EYA2: variants seen among roughly 807,000 people sequenced by gnomAD.
The protein encoded by EYA2 is EYA transcriptional coactivator and phosphatase 2, also known as protein phosphatase EYA2.
In EYA2, 31 loss-of-function variants were observed where a neutral mutation model predicts 69.2. That is an observed-to-expected ratio of 0.45 (90% CI 0.34 to 0.60). The LOEUF is 0.60. Ranked by LOEUF, EYA2 falls within the 20% of genes least tolerant of loss-of-function variation. The pLI is 0.02. For missense variants in EYA2, 622 were observed against 701.2 expected (o/e 0.89, Z 1.28); for synonymous variants, 257 against 279.4 (o/e 0.92, Z 0.80).
intron 5 of EYA2, among the ~76,000 whole-genome samples, chr20:47,019,805 C>CA (rs11431747): frequency 0.28 from 38,778 of 136,880 alleles, 5,074 homozygotes; most frequent in South Asian, 0.32. Context: ...CCCATCTCTA[C>CA]AAAAAAAAAA....
At chr20:46,923,852 C>T (rs1178498149) in intron 1 of EYA2, among the ~76,000 whole-genome samples, 1 of 152,196 alleles carries the variant, frequency 6.6e-6, no homozygotes, top group Non-Finnish European at 1.5e-5. Context: ...TTTACTAAAA[C>T]AGTATTTCTC....
intron 1 of EYA2, among the ~76,000 whole-genome samples, chr20:46,942,115 T>C (rs150884485): frequency 2.0e-5 from 3 of 152,348 alleles, no homozygotes; most frequent in African/African-American, 7.2e-5. Flanking sequence ...TGAGTTCTTA[T>C]TAGTAACATG....
rs73305619 is a variant in EYA2, at chr20:46,950,973, G to A, written c.-10-39028G>A. On this transcript the variant is annotated intron_variant, in intron 1 of 15. Coordinates refer to ENST00000327619, the MANE Select transcript of EYA2 (RefSeq NM_005244.5). ...CCTGATGGGAAAGGGCTTATAACAC[G>A]TGCCGCTGAGTAATCCCTCCTTAGG... Among the ~76,000 whole-genome samples, 673 of 152,310 alleles carry A rather than the reference G, an allele frequency of 4.4e-3. 5 individuals are homozygous for A. Among genetic ancestry groups the A allele is most frequent in the African/African-American group, 0.015 (636 of 41,576 alleles).
intron 1 of EYA2, among the ~76,000 whole-genome samples, chr20:46,962,562 T>A (rs917166734): frequency 6.6e-6 from 1 of 152,190 alleles, no homozygotes; most frequent in Non-Finnish European, 1.5e-5. Context: ...GAAATCTAAG[T>A]TGCTTTCTCC....
At chr20:46,907,646 C>G (rs1314231487) in intron 1 of EYA2, among the ~76,000 whole-genome samples, 1 of 152,220 alleles carries the variant, frequency 6.6e-6, no homozygotes, top group African/African-American at 2.4e-5. Context: ...CGAGACCAGC[C>G]TGGCCAACAT....
At chr20:47,045,640 T>G (rs1361081257) in intron 5 of EYA2, among the ~76,000 whole-genome samples, 1 of 152,232 alleles carries the variant, frequency 6.6e-6, no homozygotes, top group Non-Finnish European at 1.5e-5. Context: ...TGCCCCTGTC[T>G]TCTTCCTCAA....
At chr20:47,150,491 A>G (rs2033802454) in intron 10 of EYA2, among the ~76,000 whole-genome samples, 1 of 150,458 alleles carries the variant, frequency 6.6e-6, no homozygotes, top group Non-Finnish European at 1.5e-5. Flanking sequence ...CCCGAAAGAC[A>G]GGGTCTTACT....
At chr20:47,010,443 G>T (rs1982986845) in intron 4 of EYA2, among the ~76,000 whole-genome samples, 1 of 152,100 alleles carries the variant, frequency 6.6e-6, no homozygotes, top group African/African-American at 2.4e-5. Flanking sequence ...GGAGGCTGAA[G>T]ATAAAAGCTT....
At chr20:46,941,667 T>TA (rs1406706540) in intron 1 of EYA2, among the ~76,000 whole-genome samples, 2 of 152,212 alleles carry the variant, frequency 1.3e-5, no homozygotes, top group African/African-American at 4.8e-5. Flanking sequence ...CTCATGCCCT[T>TA]ATCTTAAAGG....
At chr20:46,945,500 C>T (rs1029598801) in intron 1 of EYA2, among the ~76,000 whole-genome samples, 20 of 152,202 alleles carry the variant, frequency 1.3e-4, no homozygotes, top group Non-Finnish European at 2.6e-4. Flanking sequence ...CCCACAGTTG[C>T]GCTGCTTAGT....
At position 47,188,479 on chromosome 20, in the gene EYA2, T is replaced by C. The variant is rs1291871793; in HGVS notation, c.*346T>C. 4 of 538,788 alleles carry C rather than the reference T, an allele frequency of 7.4e-6. No homozygotes were observed. Among genetic ancestry groups the C allele is most frequent in the African/African-American group, 5.6e-5 (3 of 53,284 alleles). The allele number at this position is 538,788 out of a possible 1,614,324, so 33.4% of individuals were successfully genotyped here. On this transcript the variant is annotated 3_prime_UTR_variant, in exon 16 of 16. Coordinates refer to ENST00000327619, the MANE Select transcript of EYA2 (RefSeq NM_005244.5). The stretch of plus-strand genomic sequence containing the variant: ...GGTTTGTCTTGTCTTCTTTTTAATT[T>C]ATGGACTAGTCTCATTACTCCGGAA...
intron 5 of EYA2, among the ~76,000 whole-genome samples, chr20:47,056,005 G>A (rs1025493919): frequency 6.6e-6 from 1 of 152,190 alleles, no homozygotes; most frequent in African/African-American, 2.4e-5. Context: ...ATCCCGACTT[G>A]TGTGGCAGAG....
intron 5 of EYA2, among the ~76,000 whole-genome samples, chr20:47,063,402 T>C (rs1444663366): frequency 7.4e-5 from 11 of 147,796 alleles, no homozygotes; most frequent in African/African-American, 2.9e-4. Context: ...CGTGTGTGTG[T>C]GTGTGTGTGT....
intron 1 of EYA2, among the ~76,000 whole-genome samples, chr20:46,915,623 G>A (rs890189422): frequency 2.0e-5 from 3 of 152,172 alleles, no homozygotes; most frequent in Non-Finnish European, 4.4e-5. Context: ...CCCTACAGAT[G>A]TGCTTTCTTT....
At chr20:47,132,986 G>T (rs193173416) in intron 9 of EYA2, among the ~76,000 whole-genome samples, 157 of 152,274 alleles carry the variant, frequency 1.0e-3, no homozygotes, top group Non-Finnish European at 1.5e-3. Context: ...GCAAACACCC[G>T]TTTTTGCTTG....
chr20:46,977,807 C>T (rs550104796), intron 1 of EYA2, among the ~76,000 whole-genome samples: 1 of 152,250 alleles, frequency 6.6e-6, no homozygotes, highest in East Asian at 1.9e-4. Flanking sequence ...AATGACACTT[C>T]CCCATGTTAA....
intron 1 of EYA2, among the ~76,000 whole-genome samples, chr20:46,973,268 A>G (rs1980248130): frequency 6.6e-6 from 1 of 152,250 alleles, no homozygotes; most frequent in African/African-American, 2.4e-5. Flanking sequence ...AGACAAATAC[A>G]GAACGTGAGA....
At chr20:47,083,822 G>A (rs1427135821) in intron 7 of EYA2, among the ~76,000 whole-genome samples, 1 of 152,142 alleles carries the variant, frequency 6.6e-6, no homozygotes, top group Non-Finnish European at 1.5e-5. Context: ...AAACTGTTCA[G>A]AGAATGAAAA....
At chr20:46,948,233 C>T (rs757248106) in intron 1 of EYA2, among the ~76,000 whole-genome samples, 6 of 152,120 alleles carry the variant, frequency 3.9e-5, no homozygotes, top group African/African-American at 7.2e-5. Context: ...TTTGGCTTTG[C>T]GGGCCATACC....
Sources: allele counts gnomAD v4.1 joint callset (sites outside exome capture counted in the v4.1 genomes callset), GRCh38; gene constraint gnomAD v4.1.1; transcripts MANE v1.5; gene names NCBI Gene and HGNC (gene_info 2026-07-23, HGNC 2026-07-21).